Variants in NCOA2 observed in about 807,000 individuals in gnomAD.
NCOA2 encodes the protein nuclear receptor coactivator 2.
In NCOA2, 21 loss-of-function variants were observed where a neutral mutation model predicts 145.1. That is an observed-to-expected ratio of 0.14 (90% CI 0.10 to 0.21). The LOEUF (loss-of-function observed/expected upper bound fraction) is 0.21. Ranked by LOEUF, NCOA2 falls within the 10% of genes least tolerant of loss-of-function variation. The probability of loss-of-function intolerance (pLI) is 1.00; values close to 1 mark genes in which losing one functional copy is unlikely to be tolerated. For synonymous variants in NCOA2, 619 were observed against 637.5 expected (o/e 0.97, Z 0.44); for missense variants, 1,472 against 1,837.6 (o/e 0.80, Z 3.64).
chr8:70,372,651 T>C (rs1318478525), intron 1 of NCOA2, among the ~76,000 whole-genome samples: 1 of 152,204 alleles, frequency 6.6e-6, no homozygotes, highest in African/African-American at 2.4e-5. Flanking sequence ...TCATGAAATA[T>C]ACTGATGTGT....
chr8:70,195,201 T>C (rs145597625), intron 4 of NCOA2, among the ~76,000 whole-genome samples: 1 of 152,348 alleles, frequency 6.6e-6, no homozygotes, highest in Non-Finnish European at 1.5e-5. Context: ...ACAGAGTATA[T>C]GTGACAGACT....
At chr8:70,303,569 G>C (rs1284734964) in intron 1 of NCOA2, among the ~76,000 whole-genome samples, 1 of 152,118 alleles carries the variant, frequency 6.6e-6, no homozygotes, top group African/African-American at 2.4e-5. Flanking sequence ...ATAAGAATTT[G>C]GATACGGCAT....
chr8:70,402,469 G>C (rs1485739366), intron 1 of NCOA2: 2 of 152,200 alleles, frequency 1.3e-5, no homozygotes, highest in African/African-American at 4.8e-5. Context: ...GAGGGGAAGA[G>C]GGAGGGGCCA....
At chr8:70,202,657 T>C (rs894308864) in intron 4 of NCOA2, among the ~76,000 whole-genome samples, 1 of 152,216 alleles carries the variant, frequency 6.6e-6, no homozygotes, top group African/African-American at 2.4e-5. Flanking sequence ...CTAGCAGAAC[T>C]AGAAACTAGA....
intron 11 of NCOA2, among the ~76,000 whole-genome samples, chr8:70,150,359 G>A (rs1382081655): frequency 6.6e-6 from 1 of 152,174 alleles, no homozygotes; most frequent in African/African-American, 2.4e-5. Flanking sequence ...TCCTCCAACA[G>A]CAACAGTCTT....
At chr8:70,172,516 T>C (rs1039349893) in intron 5 of NCOA2, among the ~76,000 whole-genome samples, 1 of 152,220 alleles carries the variant, frequency 6.6e-6, no homozygotes, top group Non-Finnish European at 1.5e-5. Flanking sequence ...TTTTAAGTTT[T>C]TCTTAAAACA....
chr8:70,333,442 T>C (rs116282518), intron 1 of NCOA2, among the ~76,000 whole-genome samples: 1,743 of 152,290 alleles, frequency 0.011, 43 homozygotes, highest in African/African-American at 0.04. Context: ...GCCTAGAGAT[T>C]AAGCCTCTTG....
At chr8:70,167,520 G>A (rs895025982) in intron 6 of NCOA2, among the ~76,000 whole-genome samples, 4 of 151,850 alleles carry the variant, frequency 2.6e-5, no homozygotes, top group African/African-American at 9.7e-5. Flanking sequence ...TGCCTCCTTG[G>A]GCAGATTTTT....
At chr8:70,281,759 T>C (rs1026967669) in intron 2 of NCOA2, among the ~76,000 whole-genome samples, 4 of 152,136 alleles carry the variant, frequency 2.6e-5, no homozygotes, top group South Asian at 2.1e-4. Flanking sequence ...AGTACCAGTT[T>C]TGAAAACACA....
chr8:70,428,712 G>A, the NCOA2 span, among the ~76,000 whole-genome samples: 1 of 152,142 alleles, frequency 6.6e-6, no homozygotes, highest in South Asian at 2.1e-4. Flanking sequence ...ATTTCCAGCT[G>A]TTCTACTGTC....
At chr8:70,134,513 C>T (rs146825362) in intron 15 of NCOA2, among the ~76,000 whole-genome samples, 2 of 152,314 alleles carry the variant, frequency 1.3e-5, no homozygotes, top group Non-Finnish European at 2.9e-5. Flanking sequence ...GCAACCCTCC[C>T]GTCCCAGATG....
intron 2 of NCOA2, among the ~76,000 whole-genome samples, chr8:70,217,395 C>T (rs931209959): frequency 1.3e-5 from 2 of 152,170 alleles, no homozygotes; most frequent in African/African-American, 4.8e-5. Flanking sequence ...TGCCTGGCTG[C>T]TCCTCCATCG....
At chr8:70,434,104 G>A in the NCOA2 span, among the ~76,000 whole-genome samples, 1 of 152,150 alleles carries the variant, frequency 6.6e-6, no homozygotes, top group East Asian at 1.9e-4. Context: ...TAAATAACCA[G>A]GGAAGATTAA....
upstream of NCOA2, chr8:70,403,863 C>T (rs540755516): frequency 6.1e-4 from 237 of 387,714 alleles, no homozygotes; most frequent in Non-Finnish European, 8.5e-4. Flanking sequence ...TCCTCCTCCT[C>T]CTCCTCCTCC....
At chr8:70,436,642 C>T in the NCOA2 span, among the ~76,000 whole-genome samples, 3 of 152,178 alleles carry the variant, frequency 2.0e-5, no homozygotes, top group Non-Finnish European at 4.4e-5. Context: ...AAGGCTTTAA[C>T]CAGCAGTTTT....
upstream of NCOA2, among the ~76,000 whole-genome samples, chr8:70,404,701 G>A (rs1401792786): frequency 1.3e-5 from 2 of 152,210 alleles, no homozygotes; most frequent in Non-Finnish European, 2.9e-5. Flanking sequence ...GGCACATCAT[G>A]AAATCATAAG....
At chr8:70,455,344 C>T in the NCOA2 span, among the ~76,000 whole-genome samples, 13 of 152,238 alleles carry the variant, frequency 8.5e-5, no homozygotes, top group Admixed American at 5.9e-4. Flanking sequence ...TCCCTCCTAT[C>T]GGAAAGGGAA....
At chr8:70,390,319 T>C (rs1664783521) in intron 1 of NCOA2, among the ~76,000 whole-genome samples, 1 of 152,206 alleles carries the variant, frequency 6.6e-6, no homozygotes, top group South Asian at 2.1e-4. Context: ...GATAACTTCA[T>C]TGTGTTTTGC....
At chr8:70,265,825 T>TTGA (rs1824527432) in intron 2 of NCOA2, among the ~76,000 whole-genome samples, 1 of 152,094 alleles carries the variant, frequency 6.6e-6, no homozygotes, top group Non-Finnish European at 1.5e-5. Context: ...GTTGTTGTTG[T>TTGA]TGTTGTTGTT....
Sources: allele counts gnomAD v4.1 joint callset (sites outside exome capture counted in the v4.1 genomes callset), GRCh38; gene constraint gnomAD v4.1.1; transcripts MANE v1.5; gene names NCBI Gene and HGNC (gene_info 2026-07-23, HGNC 2026-07-21).